The following PIN4 variants were observed in gnomAD, a reference collection of about 807,000 sequenced individuals.
The protein encoded by PIN4 is peptidylprolyl cis/trans isomerase, NIMA-interacting 4.
Under a neutral mutation model 8.3 loss-of-function variants are expected in PIN4, and 3 were observed. The observed-to-expected ratio is 0.36, with a 90% CI of 0.16 to 0.93. PIN4 has a LOEUF of 0.93. PIN4 is among the 40% of genes least tolerant of loss of function. The pLI is 0.44. For synonymous variants in PIN4, 18 were observed against 32.5 expected, an observed-to-expected ratio of 0.55 and a Z score of 1.52; for missense variants, 75 against 100.6, an observed-to-expected ratio of 0.75 and a Z score of 1.09.
intron 3 of PIN4, among the ~76,000 whole-genome samples, chrX:72,219,618 C>T (rs770598151): frequency 3.6e-5 from 4 of 110,002 alleles, no homozygotes; most frequent in Admixed American, 2.9e-4. Context: ...GAGGCCAAGG[C>T]GGGCAGATCA....
chrX:72,261,047 C>T (rs1334524640), intron 3 of PIN4, among the ~76,000 whole-genome samples: 1 of 111,524 alleles, frequency 9.0e-6, no homozygotes, highest in African/African-American at 3.3e-5. Context: ...CCTGTAATCC[C>T]AACACTTTGG....
chrX:72,208,673 T>A (rs2042835221), intron 3 of PIN4: 4 of 1,203,317 alleles, frequency 3.3e-6, no homozygotes, highest in Non-Finnish European at 4.5e-6. Context: ...CCATTCTTAG[T>A]TGCTTCTTTG....
intron 3 of PIN4, among the ~76,000 whole-genome samples, chrX:72,252,495 T>TGCCTCAGCCTCA (rs374587865): frequency 9.0e-6 from 1 of 111,034 alleles, no homozygotes; most frequent in Admixed American, 9.6e-5. Flanking sequence ...GCAATTCTCC[T>TGCCTCAGCCTCA]GCCTCAGCCT....
At chrX:72,230,224 G>A (rs770355515) in intron 3 of PIN4, among the ~76,000 whole-genome samples, 1 of 110,288 alleles carries the variant, frequency 9.1e-6, no homozygotes, top group East Asian at 2.9e-4. Flanking sequence ...CAGGCTATTT[G>A]AAGAGCAACC....
At chrX:72,198,883 C>T (rs2042779192), downstream of PIN4, 1 of 110,324 alleles carries the variant, frequency 9.1e-6, no homozygotes, top group Non-Finnish European at 1.9e-5. Flanking sequence ...GAAAGAAAAA[C>T]ATGGTGACCT....
rs763373262 is a variant in PIN4, at chrX:72,211,616, T to C, written c.312+14712T>C. Among the ~76,000 whole-genome samples the C allele has an allele frequency of 3.6e-5, 4 of 110,172 alleles. No individual in the cohort carries two copies. In the South Asian group the frequency reaches 1.6e-3, roughly 43 times the overall value. ...TGGATTACAATTCAAGATGAGATTA[T>C]GGGTGGGGTCACAGCCAAACCATAT... On this transcript the variant is annotated intron_variant, in intron 3 of 3. Coordinates refer to the PIN4 transcript ENST00000423432.
intron 1 of PIN4, among the ~76,000 whole-genome samples, chrX:72,185,068 C>T (rs1366144558): frequency 1.1e-5 from 1 of 92,823 alleles, no homozygotes; most frequent in Non-Finnish European, 2.1e-5. Flanking sequence ...GGCATGAACC[C>T]GGGAGGCGGA....
chrX:72,216,967 T>C (rs962107458), intron 3 of PIN4, among the ~76,000 whole-genome samples: 8 of 112,493 alleles, frequency 7.1e-5, no homozygotes, highest in African/African-American at 2.6e-4. Flanking sequence ...ATAAAACTTC[T>C]TTCTGCTGAG....
At chrX:72,226,534 G>A (rs745621940) in intron 3 of PIN4, among the ~76,000 whole-genome samples, 8 of 112,059 alleles carry the variant, frequency 7.1e-5, no homozygotes, top group South Asian at 3.7e-4. Flanking sequence ...GCTATGTCAC[G>A]GCTAAGGGAT....
chrX:72,188,295 AAT>A (rs2042713684), intron 2 of PIN4, among the ~76,000 whole-genome samples: 1 of 112,398 alleles, frequency 8.9e-6, no homozygotes, highest in Non-Finnish European at 1.9e-5. Flanking sequence ...GTTTTCACCT[AAT>A]ATGTTTTCAC....
chrX:72,188,095 G>C (rs1283121527), intron 2 of PIN4, among the ~76,000 whole-genome samples: 1 of 111,647 alleles, frequency 9.0e-6, no homozygotes, highest in Non-Finnish European at 1.9e-5. Context: ...CCAATCATGT[G>C]AAGTGGGGTT....
At position 72,263,121 on chromosome X, in the gene PIN4, A is replaced by G. The variant is rs190801378; in HGVS notation, c.*325A>G. The stretch of plus-strand genomic sequence containing the variant: ...ACAAGATGAGCCTTATGCACCTCAC[A>G]GTCTCCTGGGGGAGACAGCCAAATA... On this transcript the variant is annotated 3_prime_UTR_variant, in exon 4 of 4. Coordinates refer to the PIN4 transcript ENST00000423432. The G allele has an allele frequency of 1.9e-5, 3 of 161,365 alleles. No homozygotes were observed. The East Asian group carries it at 4.8e-4, about 26-fold the overall frequency. The allele number at this position is 161,365 out of a possible 1,213,427, so 13.3% of individuals were successfully genotyped here. A position where few individuals can be genotyped will look rare whatever the true frequency, so the allele number is the denominator to read the frequency against.
chrX:72,254,772 A>G (rs1346725411), intron 3 of PIN4, among the ~76,000 whole-genome samples: 1 of 112,752 alleles, frequency 8.9e-6, no homozygotes, highest in Non-Finnish European at 1.9e-5. Flanking sequence ...ATCCTGTGTC[A>G]TTGCAGGCAA....
chrX:72,202,946 T>C (rs1414043871), downstream of PIN4, among the ~76,000 whole-genome samples: 1 of 111,985 alleles, frequency 8.9e-6, no homozygotes, highest in East Asian at 2.8e-4. Flanking sequence ...TGTATGCTAA[T>C]GACATAGCTT....
intron 3 of PIN4, among the ~76,000 whole-genome samples, chrX:72,242,817 C>T (rs1045546889): frequency 1.8e-5 from 2 of 111,615 alleles, no homozygotes; most frequent in African/African-American, 3.3e-5. Context: ...AGTTCGAGAC[C>T]AGCCTGACCA....
At chrX:72,228,405 A>G (rs2042965485) in intron 3 of PIN4, among the ~76,000 whole-genome samples, 1 of 111,873 alleles carries the variant, frequency 8.9e-6, no homozygotes, top group South Asian at 3.7e-4. Context: ...AACTGGTTTC[A>G]TTATACTTCT....
chrX:72,240,817 T>A (rs5958818), intron 3 of PIN4, among the ~76,000 whole-genome samples: 4 of 100,102 alleles, frequency 4.0e-5, no homozygotes, highest in South Asian at 5.3e-4. Flanking sequence ...AGAAAAGGGT[T>A]GGGGGGAGGT....
In PIN4 at chrX:72,251,362, C is replaced by CAA. The variant is rs35914181; in HGVS notation, c.313-11333_313-11332dup. On this transcript the variant is annotated intron_variant, in intron 3 of 3. Transcript: ENST00000423432. ...TGGGCGACACAGCGAGACTCTGTCT[C>CAA]AAAAAAAAAAAAATATGTGTGAGTG... Among the ~76,000 whole-genome samples the CAA allele has an allele frequency of 4.4e-3, 288 of 65,624 alleles. 20 individuals carry two copies. The highest frequency in any genetic ancestry group is 0.025 in the African/African-American group (272 of 10,774). The allele number at this position is 65,624 out of a possible 115,157, so 57.0% of individuals were successfully genotyped here.
intron 3 of PIN4, among the ~76,000 whole-genome samples, chrX:72,252,142 T>C (rs746146616): frequency 1.7e-4 from 19 of 110,430 alleles, no homozygotes; most frequent in Non-Finnish European, 3.2e-4. Flanking sequence ...GTCTTTTCTT[T>C]TTAATAAAAA....
Sources: allele counts gnomAD v4.1 joint callset (sites outside exome capture counted in the v4.1 genomes callset), GRCh38; gene constraint gnomAD v4.1.1; transcripts MANE v1.5; gene names NCBI Gene and HGNC (gene_info 2026-07-23, HGNC 2026-07-21).